PPP2R5C: variants seen among roughly 807,000 people sequenced by gnomAD.
The protein encoded by PPP2R5C is serine/threonine-protein phosphatase 2A 56 kDa regulatory subunit gamma isoform.
PPP2R5C carries 7 observed loss-of-function variants against 68.9 expected under a neutral mutation model. The ratio of observed to expected loss-of-function variants is 0.10; its 90% CI spans 0.06 to 0.19. The LOEUF (loss-of-function observed/expected upper bound fraction) is 0.19, where lower values mean the gene tolerates loss of function less well. Among genes scored for constraint, PPP2R5C ranks in the 10% least tolerant of loss-of-function variants. The pLI is 1.00. For missense variants in PPP2R5C, 348 were observed against 641.3 expected (o/e 0.54, Z 4.94); for synonymous variants, 210 against 222.2 (o/e 0.95, Z 0.49).
chr14:101,893,878 TCTCA>T (rs1819764509), intron 7 of PPP2R5C, among the ~76,000 whole-genome samples: 1 of 152,266 alleles, frequency 6.6e-6, no homozygotes, highest in African/African-American at 2.4e-5. Flanking sequence ...TTTGGTTTTC[TCTCA>T]CTCTTTGGCT....
Position 101,906,357 on chromosome 14 carries a change from G to A in PPP2R5C, c.1024-45G>A, listed in dbSNP as rs375158507. 51 of 1,539,684 alleles carry A rather than the reference G, an allele frequency of 3.3e-5. No individual in the cohort carries two copies. Among genetic ancestry groups the A allele is most frequent in the Non-Finnish European group, 4.4e-5 (50 of 1,145,432 alleles). ...TTAACAGCAAGGACAGCCACCTGAT[G>A]TCTCAGGCACAACCTCCAGCAAGCC... On this transcript the variant is annotated intron_variant, in intron 9 of 13. Coordinates refer to ENST00000334743, the Ensembl canonical transcript of PPP2R5C. The surrounding 1 kb of genome is among the most constrained non-coding windows in gnomAD (Gnocchi z 4.0).
chr14:101,768,564 A>C (rs1190989904), intron 2 of PPP2R5C, among the ~76,000 whole-genome samples: 4 of 151,970 alleles, frequency 2.6e-5, no homozygotes, highest in Admixed American at 1.3e-4. Context: ...TGTTTTTGCT[A>C]ATCTGTTTAA....
At chr14:101,789,551 G>T (rs922358764) in intron 3 of PPP2R5C, 1 of 152,196 alleles carries the variant, frequency 6.6e-6, no homozygotes, top group Non-Finnish European at 1.5e-5. Context: ...CATTTTGTCA[G>T]TTTTGTCACA....
chr14:101,761,219 A>AG (rs1179823379), upstream of PPP2R5C, among the ~76,000 whole-genome samples: 2 of 152,114 alleles, frequency 1.3e-5, no homozygotes, highest in South Asian at 2.1e-4. Flanking sequence ...CGCGGCGGTG[A>AG]GGGGGCAAGG....
At chr14:101,866,390 A>G (rs1053831079) in intron 2 of PPP2R5C, among the ~76,000 whole-genome samples, 3 of 152,276 alleles carry the variant, frequency 2.0e-5, no homozygotes, top group African/African-American at 7.2e-5. Flanking sequence ...TCTACAGAGT[A>G]CGGTGACCCA....
rs557040400 is a variant in PPP2R5C, at chr14:101,799,957, C to G, written c.259+13774C>G. Among the ~76,000 whole-genome samples, 3 of 152,342 alleles carry G rather than the reference C, an allele frequency of 2.0e-5. No individual in the cohort carries two copies. In the East Asian group the frequency reaches 5.8e-4, roughly 29 times the overall value. On this transcript the variant is annotated intron_variant, in intron 3 of 14. Coordinates refer to the PPP2R5C transcript ENST00000328724. ...CCCTGCAGTGACTTAATCTATATCT[C>G]TTTTTAAAAATTATTTTTATGCCAG...
chr14:101,783,950 G>C (rs1482161015), intron 2 of PPP2R5C, among the ~76,000 whole-genome samples: 1 of 152,222 alleles, frequency 6.6e-6, no homozygotes, highest in African/African-American at 2.4e-5. Flanking sequence ...GTCTAACTGG[G>C]GGATTCTGTG....
chr14:101,847,555 A>G (rs1367906236), intron 1 of PPP2R5C, among the ~76,000 whole-genome samples: 1 of 151,992 alleles, frequency 6.6e-6, no homozygotes, highest in Non-Finnish European at 1.5e-5. Context: ...ACTGTCTTTT[A>G]ATGTATCTAT....
At chr14:101,818,849 G>A in intron 1 of PPP2R5C, 1 of 633,040 alleles carries the variant, frequency 1.6e-6, no homozygotes, top group Non-Finnish European at 2.8e-6. Context: ...CAGTGATTAG[G>A]TTTTTTCAGT....
chr14:101,904,885 T>C (rs2045935237), intron 9 of PPP2R5C, among the ~76,000 whole-genome samples: 1 of 152,236 alleles, frequency 6.6e-6, no homozygotes, highest in Non-Finnish European at 1.5e-5. Context: ...CCAAGTGTCC[T>C]GGTGACTGCC....
At chr14:101,875,273 A>G (rs920013238) in intron 2 of PPP2R5C, among the ~76,000 whole-genome samples, 3 of 152,120 alleles carry the variant, frequency 2.0e-5, no homozygotes, top group African/African-American at 4.8e-5. Context: ...ACCTCTCTTC[A>G]CTGCCGAGCA....
chr14:101,770,201 T>C (rs965222823), intron 2 of PPP2R5C, among the ~76,000 whole-genome samples: 2 of 152,222 alleles, frequency 1.3e-5, no homozygotes, highest in African/African-American at 4.8e-5. Context: ...TTGTGTTTCT[T>C]AATTTATTTT....
chr14:101,824,975 G>C (rs1317501209), intron 1 of PPP2R5C: 3 of 152,480 alleles, frequency 2.0e-5, no homozygotes, highest in African/African-American at 7.2e-5. Context: ...CTGGAAAAGG[G>C]TGTATGTCAA....
At chr14:101,768,190 G>A (rs1307196672) in intron 2 of PPP2R5C, among the ~76,000 whole-genome samples, 1 of 152,138 alleles carries the variant, frequency 6.6e-6, no homozygotes, top group East Asian at 1.9e-4. Context: ...GTCTCCTGGA[G>A]GATCAAATCG....
chr14:101,871,562 A>G (rs1245722263), intron 2 of PPP2R5C, among the ~76,000 whole-genome samples: 1 of 152,068 alleles, frequency 6.6e-6, no homozygotes, highest in East Asian at 1.9e-4. Flanking sequence ...TTTTTTATTC[A>G]GTCAGACAAT....
intron 2 of PPP2R5C, among the ~76,000 whole-genome samples, chr14:101,784,954 C>A (rs906651419): frequency 6.6e-6 from 1 of 152,180 alleles, no homozygotes; most frequent in Non-Finnish European, 1.5e-5. Context: ...CTCCTTTGGC[C>A]TCTGTGGATG....
intron 2 of PPP2R5C, among the ~76,000 whole-genome samples, chr14:101,775,682 G>A (rs2037380559): frequency 6.6e-6 from 1 of 152,212 alleles, no homozygotes; most frequent in South Asian, 2.1e-4. Flanking sequence ...GTACCTCCCT[G>A]TGGGCCTGGC....
Position 101,906,620 on chromosome 14 carries a change from A to T in PPP2R5C, c.1151+91A>T. The T allele has an allele frequency of 7.0e-7, 1 of 1,430,748 alleles. No homozygotes were observed. Among genetic ancestry groups the T allele is most frequent in the South Asian group, 1.4e-5 (1 of 70,746 alleles). The allele number at this position is 1,430,748 out of a possible 1,614,324, so 88.6% of individuals were successfully genotyped here. ...CAGTAAGAATAAATATCAGAATTTT[A>T]AATATCAATTAAAAAACAAGAAGGT... On this transcript the variant is annotated intron_variant, in intron 10 of 13. Transcript: ENST00000334743. The surrounding 1 kb of genome is among the most constrained non-coding windows in gnomAD (Gnocchi z 4.0).
At chr14:101,822,002 G>A (rs558130750) in intron 1 of PPP2R5C, among the ~76,000 whole-genome samples, 11 of 151,890 alleles carry the variant, frequency 7.2e-5, no homozygotes, top group Non-Finnish European at 1.3e-4. Context: ...CATCATTGAC[G>A]CTTTTAAGAG....
Sources: gnomAD v4.1 joint callset for allele counts (sites outside exome capture counted in the v4.1 genomes callset) on GRCh38, gnomAD v4.1.1 for gene constraint, Gnocchi (gnomAD v3.1) non-coding constraint, MANE v1.5 for transcripts, NCBI Gene and HGNC (gene_info 2026-07-23, HGNC 2026-07-21) for gene names.